HDAC9: variants seen among roughly 807,000 people sequenced by gnomAD.
The protein encoded by HDAC9 is histone deacetylase 9.
In HDAC9, 41 loss-of-function variants were observed where a neutral mutation model predicts 139.4. The observed-to-expected ratio is 0.29, with a 90% CI of 0.23 to 0.38. HDAC9 has a LOEUF of 0.38. Ranked by LOEUF, HDAC9 falls within the 10% of genes least tolerant of loss-of-function variation. The pLI is 1.00. For synonymous variants in HDAC9, 517 were observed against 476.2 expected (o/e 1.09, Z -1.12); for missense variants, 1,147 against 1,297.0 (o/e 0.88, Z 1.78).
chr7:18,149,698 C>G (rs555208678), intron 1 of HDAC9, among the ~76,000 whole-genome samples: 10 of 150,896 alleles, frequency 6.6e-5, no homozygotes, highest in Non-Finnish European at 1.3e-4. Flanking sequence ...CTATAGGTGC[C>G]CACCACCACG....
chr7:18,438,658 GT>G (rs1439499974), intron 1 of HDAC9, among the ~76,000 whole-genome samples: 1 of 151,380 alleles, frequency 6.6e-6, no homozygotes, highest in African/African-American at 2.4e-5. Context: ...GTGTGTGTGT[GT>G]GTGTGTGTGT....
intron 2 of HDAC9, among the ~76,000 whole-genome samples, chr7:18,252,414 C>T (rs1794973571): frequency 6.6e-6 from 1 of 152,100 alleles, no homozygotes; most frequent in Admixed American, 6.6e-5. Flanking sequence ...GTTTTTATAA[C>T]TGCAAAAGTA....
chr7:18,838,413 C>T (rs997805947), intron 21 of HDAC9, among the ~76,000 whole-genome samples: 2 of 151,850 alleles, frequency 1.3e-5, no homozygotes, highest in Non-Finnish European at 2.9e-5. Context: ...GAGTTGGAGT[C>T]GGGGGTATTC....
At chr7:18,312,133 A>G (rs567463210) in intron 1 of HDAC9, among the ~76,000 whole-genome samples, 3 of 152,330 alleles carry the variant, frequency 2.0e-5, no homozygotes, top group South Asian at 2.1e-4. Context: ...CCATGGCTGC[A>G]TATTTTTGAA....
chr7:18,978,871 C>T (rs1202478674), intron 25 of HDAC9, among the ~76,000 whole-genome samples: 3 of 152,064 alleles, frequency 2.0e-5, no homozygotes, highest in African/African-American at 7.2e-5. Context: ...ATCAAGACTT[C>T]AAGATGATCA....
Position 18,647,917 on chromosome 7 carries a change from C to G in HDAC9, c.1168C>G (p.Pro390Ala), listed in dbSNP as rs774190449. Residue 390 changes from proline to alanine, a missense_variant, in exon 10 of 26, where the codon CCA becomes GCA. Physicochemically the swap from Pro to Ala is conservative, Grantham distance 27 (BLOSUM62 -1). This residue lies in a region of HDAC9 where 264 missense variants were observed against 273.8 expected (regional missense o/e 0.96). Transcript: ENST00000686413. ...SHPHVTLEGK[P>A]PNSSHQALLQ... ...CCCTCATGTTACTTTAGAGGGAAAG[C>G]CACCCAACAGCAGCCACCAGGCTCT... 3 of 1,612,878 alleles carry G rather than the reference C, an allele frequency of 1.9e-6. No homozygotes were observed. Among genetic ancestry groups the G allele is most frequent in the Non-Finnish European group, 2.5e-6 (3 of 1,179,448 alleles).
chr7:18,148,594 T>G (rs568111608), intron 1 of HDAC9, among the ~76,000 whole-genome samples: 2 of 152,220 alleles, frequency 1.3e-5, no homozygotes, highest in Non-Finnish European at 1.5e-5. Flanking sequence ...GTAGCTGGGA[T>G]TACAGGCGCT....
intron 17 of HDAC9, among the ~76,000 whole-genome samples, chr7:18,815,387 G>C (rs918392765): frequency 2.0e-5 from 3 of 152,000 alleles, no homozygotes; most frequent in Admixed American, 6.6e-5. Context: ...GCTTTCAATG[G>C]GTTATTATTG....
chr7:18,341,050 G>A (rs992393058), intron 1 of HDAC9, among the ~76,000 whole-genome samples: 5 of 150,988 alleles, frequency 3.3e-5, no homozygotes, highest in African/African-American at 1.2e-4. Flanking sequence ...TATCTTCTTG[G>A]TTACAATGTT....
In HDAC9 at chr7:18,613,160, T is replaced by C. The variant is rs930170287; in HGVS notation, c.665-16190T>C. On this transcript the variant is annotated intron_variant, in intron 6 of 25. Transcript: ENST00000686413. ...TTTATAATAGACTGAATACAGTCAG[T>C]CTATTACTTCATAGAATAAAGATTA... Among the ~76,000 whole-genome samples the C allele has an allele frequency of 2.0e-5, 3 of 150,462 alleles. No homozygotes were observed. In the Admixed American group the frequency reaches 2.0e-4, roughly 10 times the overall value.
At chr7:18,157,350 G>C (rs1382563556) in intron 1 of HDAC9, among the ~76,000 whole-genome samples, 1 of 152,026 alleles carries the variant, frequency 6.6e-6, no homozygotes. Context: ...TTATACATGA[G>C]GGAAAGAAGG....
intron 1 of HDAC9, among the ~76,000 whole-genome samples, chr7:18,103,079 G>A (rs952494163): frequency 2.5e-4 from 38 of 152,282 alleles, no homozygotes; most frequent in African/African-American, 8.9e-4. Context: ...ATGGTGGAAG[G>A]CAAAGGAGCA....
intron 1 of HDAC9, chr7:18,327,597 AAAG>A (rs1800561355): frequency 6.6e-6 from 1 of 151,938 alleles, no homozygotes; most frequent in Non-Finnish European, 1.5e-5. Context: ...AGAAAAACAA[AAAG>A]AAAAACATGT....
intron 2 of HDAC9, among the ~76,000 whole-genome samples, chr7:18,203,556 A>C (rs1274551683): frequency 6.6e-6 from 1 of 152,182 alleles, no homozygotes; most frequent in African/African-American, 2.4e-5. Flanking sequence ...TGTATGTGGT[A>C]TATGTGGGTA....
chr7:18,990,877 G>C (rs983776568), intron 25 of HDAC9, among the ~76,000 whole-genome samples: 3 of 152,244 alleles, frequency 2.0e-5, no homozygotes, highest in Non-Finnish European at 2.9e-5. Context: ...CTTCCCAAGT[G>C]AGGCAATGTC....
At chr7:18,924,575 C>T (rs191177610) in intron 22 of HDAC9, among the ~76,000 whole-genome samples, 2 of 152,198 alleles carry the variant, frequency 1.3e-5, no homozygotes, top group East Asian at 3.9e-4. Flanking sequence ...GGCAATGAGA[C>T]ATGTCCCCAT....
rs140747832 is a variant in HDAC9, at chr7:18,216,459, T to C, written c.25+54110T>C. On this transcript the variant is annotated intron_variant, in intron 2 of 12. Coordinates refer to the HDAC9 transcript ENST00000417496. ...ATAGGCATCTGTACATCTGGTTTTG[T>C]TGGAAACAACTCTGCTAAATGTTTA... Among the ~76,000 whole-genome samples the C allele has an allele frequency of 8.0e-4, 122 of 152,266 alleles. 1 individual carries two copies. Among genetic ancestry groups the C allele is most frequent in the African/African-American group, 2.8e-3 (118 of 41,574 alleles).
At chr7:18,468,419 C>T (rs1189273645) in intron 1 of HDAC9, among the ~76,000 whole-genome samples, 2 of 152,034 alleles carry the variant, frequency 1.3e-5, no homozygotes, top group African/African-American at 2.4e-5. Flanking sequence ...ATAGCTTTAA[C>T]CATTGGAAGG....
chr7:18,906,616 T>C lies in HDAC9; in HGVS notation c.2804-29193T>C, dbSNP rs529770359. 1.7e-4 allele frequency among the ~76,000 whole-genome samples: 26 copies of C among 152,306 alleles called. No individual in the cohort carries two copies. The East Asian group carries it at 5.0e-3, about 29-fold the overall frequency. ...AAATGATGGTAAAGAGATTACAGGATGCAACAGTGGCAAAGGAAGCCCAGT... is the reference window on the plus strand; with the variant it reads ...AAATGATGGTAAAGAGATTACAGGACGCAACAGTGGCAAAGGAAGCCCAGT... On this transcript the variant is annotated intron_variant, in intron 22 of 25. Coordinates refer to ENST00000686413, the MANE Select transcript of HDAC9 (RefSeq NM_178425.4).
Sources: gnomAD v4.1 joint callset for allele counts (sites outside exome capture counted in the v4.1 genomes callset) on GRCh38, gnomAD v4.1.1 for gene constraint, gnomAD v4.1.1 regional missense constraint, MANE v1.5 for transcripts, NCBI Gene and HGNC (gene_info 2026-07-23, HGNC 2026-07-21) for gene names.